Variants in VCL observed in about 807,000 individuals in gnomAD.
VCL encodes the protein epididymis luminal protein 114.
VCL carries 47 observed loss-of-function variants against 125.7 expected under a neutral mutation model. The observed-to-expected ratio is 0.37, with a 90% CI of 0.30 to 0.48. VCL has a LOEUF of 0.48. Ranked by LOEUF, VCL falls within the 20% of genes least tolerant of loss-of-function variation. The pLI is 0.99. For synonymous variants in VCL, 458 were observed against 514.6 expected, an observed-to-expected ratio of 0.89 and a Z score of 1.49; for missense variants, 1,069 against 1,455.5, an observed-to-expected ratio of 0.73 and a Z score of 4.32.
chr10:73,999,689 T>A (rs2136219375), intron 1 of VCL, among the ~76,000 whole-genome samples: 1 of 152,204 alleles, frequency 6.6e-6, no homozygotes, highest in South Asian at 2.1e-4. Context: ...TCTTCAGGGG[T>A]CCCTGGACTG....
At chr10:74,020,931 G>T (rs990178550) in intron 1 of VCL, among the ~76,000 whole-genome samples, 1 of 151,028 alleles carries the variant, frequency 6.6e-6, no homozygotes, top group Non-Finnish European at 1.5e-5. Context: ...TACTAAAATG[G>T]TGGCGGGATT....
chr10:74,002,686 A>T (rs947788567), intron 1 of VCL, among the ~76,000 whole-genome samples: 3 of 151,456 alleles, frequency 2.0e-5, no homozygotes, highest in Non-Finnish European at 4.4e-5. Context: ...GATGGAGACC[A>T]TCCTGGCCAA....
Position 74,090,163 on chromosome 10 carries a change from T to C in VCL, c.1317T>C (p.Ser439=), listed in dbSNP as rs71579355. 5.4e-3 allele frequency: 8,653 copies of C among 1,614,224 alleles called. 31 individuals are homozygous for C. Among genetic ancestry groups the C allele is most frequent in the Middle Eastern group, 6.8e-3 (41 of 6,060 alleles). Residue 439 remains serine, a synonymous_variant, in exon 10 of 22, where the codon TCT becomes TCC. Transcript: ENST00000211998. Reference sequence around the variant, plus strand: ...TTCTACGTTCCCTTGGGGAAATATCTGCTCTGACTTCTAAATTAGCAGATC... The same window carrying C: ...TTCTACGTTCCCTTGGGGAAATATCCGCTCTGACTTCTAAATTAGCAGATC... ...DDILRSLGEI[S]ALTSKLADLR... is the part of the protein sequence containing the mutation.
intron 2 of VCL, among the ~76,000 whole-genome samples, chr10:74,043,472 G>C (rs867848012): frequency 3.9e-5 from 6 of 152,034 alleles, no homozygotes; most frequent in Middle Eastern, 6.8e-3. Context: ...TCAGCCTCTG[G>C]AATAGCTTGG....
intron 1 of VCL, among the ~76,000 whole-genome samples, chr10:74,039,576 A>G (rs996005893): frequency 3.9e-4 from 59 of 151,814 alleles, no homozygotes; most frequent in African/African-American, 1.4e-3. Context: ...TGAGCATGGG[A>G]GTTTGAGACC....
At chr10:74,098,760 C>T (rs1840008513) in intron 13 of VCL, among the ~76,000 whole-genome samples, 1 of 152,114 alleles carries the variant, frequency 6.6e-6, no homozygotes. Context: ...CTTTCTGTAA[C>T]CTGAGTTACT....
intron 6 of VCL, chr10:74,077,589 C>T: frequency 3.6e-6 from 1 of 278,260 alleles, no homozygotes; most frequent in South Asian, 3.3e-5. Flanking sequence ...ACTGTGACTG[C>T]TGGGTTCCCA....
chr10:74,003,147 A>C (rs1157467874), intron 1 of VCL, among the ~76,000 whole-genome samples: 2 of 151,960 alleles, frequency 1.3e-5, no homozygotes. Flanking sequence ...ACCTCAGCTC[A>C]CTGCAACTTC....
intron 1 of VCL, among the ~76,000 whole-genome samples, chr10:74,039,190 G>C (rs936880473): frequency 1.3e-5 from 2 of 152,292 alleles, no homozygotes; most frequent in East Asian, 3.9e-4. Context: ...GGGATTTATA[G>C]GCATGAGCCA....
At chr10:74,104,875 GT>G (rs1037099624) in intron 15 of VCL, 175 bp from the exon 16 acceptor site, 25 of 754,866 alleles carry the variant, frequency 3.3e-5, no homozygotes, top group South Asian at 5.6e-5. Flanking sequence ...TGTCCTCACT[GT>G]TTTTTTTAAC....
At chr10:74,074,978 C>T (rs1379276856) in intron 6 of VCL, 75 bp downstream of exon 6, 16 of 1,573,834 alleles carry the variant, frequency 1.0e-5, no homozygotes, top group South Asian at 1.0e-4. Context: ...GCACCTGTCT[C>T]ATACTTTATC....
intron 1 of VCL, among the ~76,000 whole-genome samples, chr10:74,031,701 T>C (rs1840875498): frequency 6.6e-6 from 1 of 151,988 alleles, no homozygotes; most frequent in Admixed American, 6.6e-5. Flanking sequence ...GGCAGATTAC[T>C]TGAGCCCAGA....
In VCL at chr10:74,114,253, G is replaced by A; in HGVS notation, c.3019G>A (p.Gly1007Arg). 1 of 1,614,144 alleles carries A rather than the reference G, an allele frequency of 6.2e-7. No individual in the cohort carries two copies. Among genetic ancestry groups the A allele is most frequent in the Non-Finnish European group, 8.5e-7 (1 of 1,180,036 alleles). Residue 1007 changes from glycine (G) to arginine (R), a missense_variant, in exon 20 of 22, where the codon GGG (glycine) becomes AGG (arginine). Physicochemically the swap from Gly to Arg is moderately radical, Grantham distance 125 (BLOSUM62 -2). Transcript: ENST00000211998. Reference protein sequence around the residue: ...LMAEMSRLVRGGSGTKRALIQ... With the variant: ...LMAEMSRLVRRGSGTKRALIQ... ...GGCTGAGATGTCTCGGCTGGTAAGA[G>A]GGGGCAGTGGTACCAAGCGGGCACT...
intron 2 of VCL, among the ~76,000 whole-genome samples, chr10:74,051,386 A>G (rs7100021): frequency 0.67 from 101,328 of 151,940 alleles, 34,567 homozygotes; most frequent in African/African-American, 0.76. Context: ...ACAGGCACGC[A>G]CCACCACGCC....
chr10:74,106,359 C>CT (rs946024080), intron 16 of VCL, among the ~76,000 whole-genome samples: 15 of 151,992 alleles, frequency 9.9e-5, no homozygotes, highest in Non-Finnish European at 1.8e-4. Context: ...TCTTAAAATG[C>CT]TTTTTTTTCT....
chr10:74,075,768 T>C (rs2136276108), intron 6 of VCL: 1 of 152,766 alleles, frequency 6.5e-6, no homozygotes, highest in Admixed American at 6.5e-5. Context: ...TTCCATTGGG[T>C]GCTCAGTAGA....
At chr10:74,024,119 A>G (rs917559321) in intron 1 of VCL, among the ~76,000 whole-genome samples, 3 of 152,212 alleles carry the variant, frequency 2.0e-5, no homozygotes, top group Non-Finnish European at 4.4e-5. Context: ...AAAACTTATA[A>G]TATTCTGCCT....
chr10:74,062,875 C>T (rs2136266705), intron 2 of VCL, among the ~76,000 whole-genome samples: 1 of 152,230 alleles, frequency 6.6e-6, no homozygotes, highest in East Asian at 1.9e-4. Context: ...CGAGACCAGC[C>T]TGGCCATCAT....
chr10:74,117,328 G>T (rs1440988604), intron 21 of VCL, among the ~76,000 whole-genome samples: 1 of 152,150 alleles, frequency 6.6e-6, no homozygotes, highest in Non-Finnish European at 1.5e-5. Flanking sequence ...AATACGTAGT[G>T]TATCAGTTCG....
Sources: gnomAD v4.1 joint callset for allele counts (sites outside exome capture counted in the v4.1 genomes callset) on GRCh38, gnomAD v4.1.1 for gene constraint, MANE v1.5 for transcripts, NCBI Gene and HGNC (gene_info 2026-07-23, HGNC 2026-07-21) for gene names.